Variants in CTNNA1 observed in about 807,000 individuals in gnomAD.
CTNNA1 encodes catenin alpha 1.
A neutral mutation model predicts 98.4 loss-of-function variants in CTNNA1; 37 were observed. The observed-to-expected ratio is 0.38, with a 90% CI of 0.29 to 0.49. The LOEUF (loss-of-function observed/expected upper bound fraction) is 0.49. CTNNA1 is among the 20% of genes least tolerant of loss of function. CTNNA1 has a pLI of 0.95. For missense variants in CTNNA1, 761 were observed against 1,147.2 expected (o/e 0.66, Z 4.86); for synonymous variants, 404 against 413.2 (o/e 0.98, Z 0.27).
At chr5:138,853,212 G>A (rs1278513757) in intron 7 of CTNNA1, among the ~76,000 whole-genome samples, 1 of 151,746 alleles carries the variant, frequency 6.6e-6, no homozygotes, top group South Asian at 2.1e-4. Flanking sequence ...CTCCCAAAGT[G>A]CTTGGGATTA....
At chr5:138,884,514 T>G (rs757733549) in intron 7 of CTNNA1, among the ~76,000 whole-genome samples, 1 of 152,216 alleles carries the variant, frequency 6.6e-6, no homozygotes, top group Non-Finnish European at 1.5e-5. Flanking sequence ...TTCAAAATAT[T>G]AATATTTCAG....
In CTNNA1 at chr5:138,874,795, C is replaced by G. The variant is rs1751124265; in HGVS notation, c.1063-11417C>G. On this transcript the variant is annotated intron_variant, in intron 7 of 17. Transcript: ENST00000302763. This position sits in a 1 kb window ranked among gnomAD's most constrained non-coding sequence, Gnocchi z 4.1. Reference sequence around the variant, plus strand: ...CATCGATATATGCTTTTACCTAAACCTCAAAATCCAAAATATGATGGTGAT... The same window carrying G: ...CATCGATATATGCTTTTACCTAAACGTCAAAATCCAAAATATGATGGTGAT... 1 of 1,114,798 alleles carries G rather than the reference C, an allele frequency of 9.0e-7. No homozygotes were observed. The highest frequency in any genetic ancestry group is 1.6e-5 in the African/African-American group (1 of 64,102). 69.1% of individuals were successfully genotyped at this position (1,114,798 alleles called of 1,614,324 possible). A position where few individuals can be genotyped will look rare whatever the true frequency, so the allele number is the denominator to read the frequency against.
intron 10 of CTNNA1, chr5:138,904,876 C>T (rs930441392): frequency 3.3e-5 from 5 of 151,810 alleles, no homozygotes; most frequent in Admixed American, 6.6e-5. Context: ...GGGCGGATCA[C>T]GAGGTCAGGA....
intron 7 of CTNNA1, among the ~76,000 whole-genome samples, chr5:138,828,993 G>A (rs972225231): frequency 6.6e-5 from 10 of 152,186 alleles, no homozygotes; most frequent in Non-Finnish European, 1.3e-4. Flanking sequence ...GCATGGTGGC[G>A]CACGCCTGGT....
chr5:138,831,032 A>G (rs1335332635), intron 7 of CTNNA1, among the ~76,000 whole-genome samples: 2 of 152,262 alleles, frequency 1.3e-5, no homozygotes, highest in Non-Finnish European at 2.9e-5. Context: ...AATCACCTAC[A>G]TTAATTAATA....
intron 9 of CTNNA1, among the ~76,000 whole-genome samples, chr5:138,900,397 A>C (rs987749624): frequency 1.3e-5 from 2 of 151,888 alleles, no homozygotes; most frequent in Non-Finnish European, 2.9e-5. Flanking sequence ...GTCAGTCATT[A>C]ATTTATTATC....
intron 3 of CTNNA1, among the ~76,000 whole-genome samples, chr5:138,785,085 G>A (rs1276284426): frequency 7.0e-6 from 1 of 142,186 alleles, no homozygotes; most frequent in Non-Finnish European, 1.5e-5. Context: ...TTTTTGAGAC[G>A]GAGTCTCGCT....
chr5:138,861,329 ACTT>A (rs1379407108), intron 7 of CTNNA1, among the ~76,000 whole-genome samples: 3 of 152,092 alleles, frequency 2.0e-5, no homozygotes, highest in African/African-American at 4.8e-5. Flanking sequence ...CTCTGAACGC[ACTT>A]CTTAATGTGT....
intron 7 of CTNNA1, among the ~76,000 whole-genome samples, chr5:138,877,694 G>A (rs1337596441): frequency 1.3e-5 from 2 of 151,992 alleles, no homozygotes; most frequent in Admixed American, 6.5e-5. Flanking sequence ...TGATCCACCC[G>A]CCTCGGCCTC....
chr5:138,915,135 A>G (rs1029874889), intron 10 of CTNNA1, among the ~76,000 whole-genome samples: 1 of 152,078 alleles, frequency 6.6e-6, no homozygotes, highest in Non-Finnish European at 1.5e-5. Context: ...CAACAGAGGG[A>G]CACTCTGTCT....
intron 10 of CTNNA1, among the ~76,000 whole-genome samples, chr5:138,914,298 T>G (rs1761289607): frequency 6.6e-6 from 1 of 152,208 alleles, no homozygotes; most frequent in African/African-American, 2.4e-5. Flanking sequence ...ATAGCTCCAC[T>G]CTGATACATG....
At chr5:138,889,466 T>C (rs1354160759) in intron 9 of CTNNA1, among the ~76,000 whole-genome samples, 4 of 152,182 alleles carry the variant, frequency 2.6e-5, no homozygotes, top group Admixed American at 2.0e-4. Context: ...CCTCCAATAA[T>C]GAGCACTGTG....
intron 3 of CTNNA1, among the ~76,000 whole-genome samples, chr5:138,797,260 AG>A (rs1443744087): frequency 6.6e-6 from 1 of 152,216 alleles, no homozygotes; most frequent in East Asian, 1.9e-4. Context: ...TATTCACTAT[AG>A]AAAGTAAAAA....
rs143332092 is a variant in CTNNA1, at chr5:138,793,012, A to T, written c.301+9640A>T. Reference sequence around the variant, plus strand: ...CTTATTTTTGTGGATGTCTCTTTTCATGTGATCCCATTGTGGCTTGGTCTT... The same window carrying T: ...CTTATTTTTGTGGATGTCTCTTTTCTTGTGATCCCATTGTGGCTTGGTCTT... On this transcript the variant is annotated intron_variant, in intron 3 of 17. Coordinates refer to ENST00000302763, the MANE Select transcript of CTNNA1 (RefSeq NM_001903.5). Among the ~76,000 whole-genome samples the T allele has an allele frequency of 2.0e-5, 3 of 151,884 alleles. No homozygotes were observed. The East Asian group carries it at 5.8e-4, about 29-fold the overall frequency.
Position 138,861,547 on chromosome 5 carries a change from G to A in CTNNA1, c.1063-24665G>A, listed in dbSNP as rs1359296703. 2.6e-5 allele frequency among the ~76,000 whole-genome samples: 4 copies of A among 152,258 alleles called. No homozygotes were observed. The East Asian group carries it at 5.8e-4, about 22-fold the overall frequency. On this transcript the variant is annotated intron_variant, in intron 7 of 17. Transcript: ENST00000302763. The stretch of plus-strand genomic sequence containing the variant: ...AGAATTCTACATTTCTGAAATGTTT[G>A]CCATATCTTCTACGCCCCAATTCAC...
intron 11 of CTNNA1, among the ~76,000 whole-genome samples, chr5:138,919,537 G>T (rs1020654216): frequency 8.5e-5 from 13 of 152,198 alleles, no homozygotes; most frequent in African/African-American, 2.9e-4. Flanking sequence ...TGACATAAAA[G>T]AATGGAAAAG....
chr5:138,913,876 A>G (rs1264386024), intron 10 of CTNNA1, among the ~76,000 whole-genome samples: 1 of 152,128 alleles, frequency 6.6e-6, no homozygotes, highest in Admixed American at 6.5e-5. Flanking sequence ...TTTTAAAGAC[A>G]GGGTCTCATG....
chr5:138,793,850 C>G (rs758135653), intron 3 of CTNNA1, among the ~76,000 whole-genome samples: 12 of 151,778 alleles, frequency 7.9e-5, no homozygotes, highest in Non-Finnish European at 1.3e-4. Context: ...TTTTTTAAAT[C>G]CATTCTGTCT....
intron 7 of CTNNA1, chr5:138,880,066 C>T (rs1752557170): frequency 6.6e-6 from 1 of 152,168 alleles, no homozygotes. Context: ...GAAGGTCTTC[C>T]ATAGAAGTTT....
Sources: allele counts gnomAD v4.1 joint callset (sites outside exome capture counted in the v4.1 genomes callset), GRCh38; gene constraint gnomAD v4.1.1; non-coding constraint Gnocchi (gnomAD v3.1); transcripts MANE v1.5; gene names NCBI Gene and HGNC (gene_info 2026-07-23, HGNC 2026-07-21).